SLC25A18: variants seen among roughly 807,000 people sequenced by gnomAD.
The protein encoded by SLC25A18 is mitochondrial glutamate carrier 2.
A neutral mutation model predicts 31.1 loss-of-function variants in SLC25A18; 24 were observed. The observed-to-expected ratio is 0.77, with a 90% CI of 0.56 to 1.08. The LOEUF is 1.08. Ranked by LOEUF, SLC25A18 falls within the 50% of genes least tolerant of loss-of-function variation. The pLI, the probability that SLC25A18 is intolerant of heterozygous loss-of-function variation, is 0.00. For missense variants in SLC25A18, 371 were observed against 418.5 expected (o/e 0.89, Z 0.99); for synonymous variants, 173 against 161.9 (o/e 1.07, Z -0.52).
intron 1 of SLC25A18, among the ~76,000 whole-genome samples, chr22:17,567,377 C>T (rs1231143467): frequency 1.3e-5 from 2 of 152,152 alleles, no homozygotes; most frequent in Non-Finnish European, 2.9e-5. Context: ...GTCCACTCTA[C>T]AGCCTCATTT....
chr22:17,588,763 T>C (rs1601352565), intron 9 of SLC25A18: 1 of 152,004 alleles, frequency 6.6e-6, no homozygotes, highest in African/African-American at 2.4e-5. Context: ...AACTTGCGGG[T>C]AGACTTCCTA....
chr22:17,581,389 G>A lies in SLC25A18; in HGVS notation c.175G>A (p.Glu59Lys). The change falls in exon 5 of 11, where the codon GAG becomes AAG. Residue 59 changes from glutamate (E) to lysine (K), a missense_variant. Coordinates refer to ENST00000327451, the MANE Select transcript of SLC25A18 (RefSeq NM_031481.3). ...IDCLMKTARA[E>K]GFFGMYRGAA... is the part of the protein sequence containing the mutation. ...CTGCCTGATGAAGACGGCTCGGGCG[G>A]AGGGCTTCTTCGGCATGTACCGAGG... The A allele has an allele frequency of 6.2e-7, 1 of 1,614,130 alleles. No individual in the cohort carries two copies. Among genetic ancestry groups the A allele is most frequent in the Non-Finnish European group, 8.5e-7 (1 of 1,180,020 alleles).
intron 3 of SLC25A18, chr22:17,580,478 C>T: frequency 1.0e-6 from 1 of 973,374 alleles, no homozygotes; most frequent in Non-Finnish European, 1.2e-6. Context: ...AACTAGGTCA[C>T]CTCAAGGGCT....
At chr22:17,568,236 G>C (rs1018983870) in intron 1 of SLC25A18, among the ~76,000 whole-genome samples, 1 of 151,664 alleles carries the variant, frequency 6.6e-6, no homozygotes, top group Non-Finnish European at 1.5e-5. Context: ...GTGTGGTGGT[G>C]GGCACCTGTA....
In SLC25A18 at chr22:17,589,664, A is replaced by AGGTGAGAGCCAGTGTCC; in HGVS notation, c.806_806+16dup. 1 of 1,614,058 alleles carries AGGTGAGAGCCAGTGTCC rather than the reference A, an allele frequency of 6.2e-7. No individual in the cohort carries two copies. Among genetic ancestry groups the AGGTGAGAGCCAGTGTCC allele is most frequent in the Non-Finnish European group, 8.5e-7 (1 of 1,179,908 alleles). On this transcript the variant is annotated stop_gained and frameshift_variant and splice_region_variant, in exon 10 of 11. Coordinates refer to ENST00000327451, the MANE Select transcript of SLC25A18 (RefSeq NM_031481.3). LOFTEE classifies it high-confidence loss of function. ...GTACAGTGGGATCACCGACTGTGCC[A>AGGTGAGAGCCAGTGTCC]GGTGAGAGCCAGTGTCCCCTCAAAT... is the stretch of plus-strand genomic sequence containing the variant.
chr22:17,563,939 C>T (rs908852157), intron 1 of SLC25A18, among the ~76,000 whole-genome samples: 1 of 152,184 alleles, frequency 6.6e-6, no homozygotes. Flanking sequence ...GCCATGCAAT[C>T]GTACCGGGAG....
intron 1 of SLC25A18, 87 bp from the exon 2 acceptor site, chr22:17,569,837 T>G: frequency 1.0e-6 from 1 of 985,174 alleles, no homozygotes; most frequent in Non-Finnish European, 1.2e-6. Context: ...GCAGTGGTGA[T>G]GAGGGGGAGG....
In SLC25A18 at chr22:17,579,939, T is replaced by G. The variant is rs1426176295; in HGVS notation, c.-6T>G. ...CTTGTGTCCTGGGATCCCCAGCCCCTGCAGAATGACCCACCAGGATCTGAG... is the reference window on the plus strand; with the variant it reads ...CTTGTGTCCTGGGATCCCCAGCCCCGGCAGAATGACCCACCAGGATCTGAG... On this transcript the variant is annotated 5_prime_UTR_variant, in exon 3 of 11. Transcript: ENST00000327451. 1 of 1,610,444 alleles carries G rather than the reference T, an allele frequency of 6.2e-7. No homozygotes were observed. The highest frequency in any genetic ancestry group is 8.5e-7 in the Non-Finnish European group (1 of 1,178,860).
intron 1 of SLC25A18, among the ~76,000 whole-genome samples, chr22:17,569,096 C>T (rs1359883947): frequency 6.6e-6 from 1 of 151,574 alleles, no homozygotes; most frequent in Non-Finnish European, 1.5e-5. Context: ...GCAAGCTCCG[C>T]CTCCTGGGTT....
At chr22:17,565,961 A>G (rs1233222318) in intron 1 of SLC25A18, among the ~76,000 whole-genome samples, 16 of 151,718 alleles carry the variant, frequency 1.1e-4, no homozygotes, top group African/African-American at 3.4e-4. Context: ...CCAAAGCACA[A>G]GGATTACAGG....
chr22:17,578,563 A>G (rs174371), intron 2 of SLC25A18, among the ~76,000 whole-genome samples: 72,034 of 152,016 alleles, frequency 0.47, 19,453 homozygotes, highest in African/African-American at 0.73. Flanking sequence ...GGCTCCTCAG[A>G]GCCTGGGCCA....
intron 2 of SLC25A18, among the ~76,000 whole-genome samples, chr22:17,571,988 G>A (rs1305784906): frequency 6.6e-6 from 1 of 151,700 alleles, no homozygotes; most frequent in Non-Finnish European, 1.5e-5. Context: ...CTGCACTCTA[G>A]CCTGGGCAAC....
At chr22:17,588,120 G>T in intron 9 of SLC25A18, 41 bp downstream of exon 9, 1 of 1,610,368 alleles carries the variant, frequency 6.2e-7, no homozygotes, top group Non-Finnish European at 8.5e-7. Context: ...GGGATAAACA[G>T]TAATTTTGCA....
rs747425583 is a variant in SLC25A18, at chr22:17,587,187, C to T, written c.461C>T (p.Thr154Ile). 4 of 1,614,060 alleles carry T rather than the reference C, an allele frequency of 2.5e-6. No individual in the cohort carries two copies. Among genetic ancestry groups the T allele is most frequent in the Non-Finnish European group, 3.4e-6 (4 of 1,180,046 alleles). ...ASAPSTSRSY[T>I]TGSASTHRRP... The stretch of plus-strand genomic sequence containing the variant: ...GCACCCTCCACCTCCAGGTCCTACA[C>T]AACTGGTTCGGCTTCCACCCACAGG... The change falls in exon 8 of 11, where the codon ACA becomes ATA. Residue 154 changes from threonine (T) to isoleucine (I), a missense_variant. By Grantham distance (89) the Thr-to-Ile change is moderately conservative. Transcript: ENST00000327451.
chr22:17,579,712 T>G, intron 2 of SLC25A18, 33 bp from the exon 3 acceptor site: 1 of 1,363,066 alleles, frequency 7.3e-7, no homozygotes, highest in South Asian at 1.9e-5. Flanking sequence ...CTCGCCCATC[T>G]GTGAGGTGAG....
At position 17,587,256 on chromosome 22, in the gene SLC25A18, AGGGCCTGGCTGGGCTCTACAG is replaced by A; in HGVS notation, c.539_559del (p.Ala180_Leu186del). 1.2e-6 allele frequency: 2 copies of A among 1,613,964 alleles called. No individual in the cohort carries two copies. Among genetic ancestry groups the A allele is most frequent in the Non-Finnish European group, 1.7e-6 (2 of 1,180,018 alleles). Reference sequence around the variant, plus strand: ...ATTGCCTGGGAGCTGCTCCGCACTCAGGGCCTGGCTGGGCTCTACAGGGGCCTGGGTGCCACTCTCCTCAGG... The same window carrying A: ...ATTGCCTGGGAGCTGCTCCGCACTCAGGGCCTGGGTGCCACTCTCCTCAGG... On this transcript the variant is annotated inframe_deletion, in exon 8 of 11. Coordinates refer to ENST00000327451, the MANE Select transcript of SLC25A18 (RefSeq NM_031481.3).
intron 8 of SLC25A18, 114 bp downstream of exon 8, chr22:17,587,415 G>A (rs2057582277): frequency 7.5e-7 from 1 of 1,326,970 alleles, no homozygotes; most frequent in Non-Finnish European, 1.0e-6. Context: ...AAACCCAGGT[G>A]AGCAAACGAT....
At chr22:17,583,741 C>G (rs1005645947) in intron 7 of SLC25A18, among the ~76,000 whole-genome samples, 1 of 150,848 alleles carries the variant, frequency 6.6e-6, no homozygotes, top group African/African-American at 2.4e-5. Context: ...GTCAGGAGTT[C>G]GAGACCAGCC....
chr22:17,566,123 C>T (rs919648314), intron 1 of SLC25A18, among the ~76,000 whole-genome samples: 2 of 152,178 alleles, frequency 1.3e-5, no homozygotes, highest in Admixed American at 6.5e-5. Flanking sequence ...TTGAACCATG[C>T]TTGTGGGTGT....
Sources: gnomAD v4.1 joint callset for allele counts (sites outside exome capture counted in the v4.1 genomes callset) on GRCh38, gnomAD v4.1.1 for gene constraint, MANE v1.5 for transcripts, NCBI Gene and HGNC (gene_info 2026-07-23, HGNC 2026-07-21) for gene names.